The following RPH3AL variants were observed in gnomAD, a reference collection of about 807,000 sequenced individuals.
The protein encoded by RPH3AL is rabphilin 3A like (without C2 domains).
RPH3AL carries 38 observed loss-of-function variants against 43.1 expected under a neutral mutation model. The ratio of observed to expected loss-of-function variants is 0.88; its 90% confidence interval spans 0.68 to 1.15. The LOEUF is 1.15. Ranked by LOEUF, RPH3AL falls within the 50% of genes most tolerant of loss-of-function variation. RPH3AL has a pLI of 0.00. For missense variants in RPH3AL, 462 were observed against 423.2 expected (o/e 1.09, Z -0.81); for synonymous variants, 189 against 176.3 (o/e 1.07, Z -0.57).
chr17:304,451 C>G (rs896781242), intron 5 of RPH3AL, among the ~76,000 whole-genome samples: 3 of 152,122 alleles, frequency 2.0e-5, no homozygotes, highest in African/African-American at 7.2e-5. Flanking sequence ...ACTAGTAAGA[C>G]CAAGAGAAGC....
At chr17:291,137 A>G (rs1333958029) in intron 5 of RPH3AL, among the ~76,000 whole-genome samples, 1 of 152,196 alleles carries the variant, frequency 6.6e-6, no homozygotes, top group Non-Finnish European at 1.5e-5. Flanking sequence ...ATTCACAAAC[A>G]TGTTTTCTAT....
intron 6 of RPH3AL, among the ~76,000 whole-genome samples, chr17:270,581 G>A (rs1014567226): frequency 9.2e-5 from 14 of 152,182 alleles, no homozygotes; most frequent in Admixed American, 2.0e-4. Flanking sequence ...CAGGCATGGC[G>A]GCTCATGCCT....
intron 5 of RPH3AL, among the ~76,000 whole-genome samples, chr17:310,997 G>T (rs919579457): frequency 1.3e-5 from 2 of 152,064 alleles, no homozygotes; most frequent in African/African-American, 2.4e-5. Flanking sequence ...CTGCTCAAAC[G>T]CAGTTCATCT....
chr17:238,163 GAGAGAA>G (rs2041445523), intron 7 of RPH3AL, among the ~76,000 whole-genome samples: 1 of 109,156 alleles, frequency 9.2e-6, no homozygotes, highest in Non-Finnish European at 2.1e-5. Flanking sequence ...AAAGAAAGAA[GAGAGAA>G]AGAGAGAGAG....
chr17:318,288 A>G lies in RPH3AL; in HGVS notation c.351+1132T>C, dbSNP rs150357019. Among the ~76,000 whole-genome samples, 1,509 of 152,300 alleles carry G rather than the reference A, an allele frequency of 9.9e-3. 29 individuals carry two copies. Among genetic ancestry groups the G allele is most frequent in the African/African-American group, 0.034 (1,428 of 41,556 alleles). ...TCCCAGCTACTCAGGAGGCTGAGGC[A>G]GGAGAATCACTTGAACCTGGAGGCA... is the stretch of plus-strand genomic sequence containing the variant. On this transcript the variant is annotated intron_variant, in intron 5 of 9. Coordinates refer to ENST00000331302, the MANE Select transcript of RPH3AL (RefSeq NM_006987.4).
At chr17:341,690 A>G (rs1474009133) in intron 1 of RPH3AL, among the ~76,000 whole-genome samples, 2 of 152,188 alleles carry the variant, frequency 1.3e-5, no homozygotes, top group Non-Finnish European at 2.9e-5. Flanking sequence ...TACACACCAA[A>G]AGAAAAAAGA....
Position 283,382 on chromosome 17 carries a change from T to C in RPH3AL, c.352-1528A>G, listed in dbSNP as rs1007647662. ...AACTCACGGGGGACGGAAGCTATGATACATTCCTGCGGGGGACGGATTTGC... is the reference window on the plus strand; with the variant it reads ...AACTCACGGGGGACGGAAGCTATGACACATTCCTGCGGGGGACGGATTTGC... On this transcript the variant is annotated intron_variant, in intron 5 of 9. Coordinates refer to ENST00000331302, the MANE Select transcript of RPH3AL (RefSeq NM_006987.4). This position sits in a 1 kb window ranked among gnomAD's most constrained non-coding sequence, Gnocchi z 4.2. Among the ~76,000 whole-genome samples, 5 of 152,096 alleles carry C rather than the reference T, an allele frequency of 3.3e-5. No homozygotes were observed. The highest frequency in any genetic ancestry group is 2.9e-5 in the Non-Finnish European group (2 of 68,008).
chr17:266,522 G>A (rs932028104), intron 6 of RPH3AL, among the ~76,000 whole-genome samples: 20 of 152,212 alleles, frequency 1.3e-4, no homozygotes, highest in Non-Finnish European at 2.6e-4. Flanking sequence ...CCCCAGGAAA[G>A]ATAGAGCACC....
rs1284862964 is a variant in RPH3AL at position 290,464 on chromosome 17, C to T, written c.352-8610G>A. 2.0e-5 allele frequency among the ~76,000 whole-genome samples: 3 copies of T among 152,170 alleles called. No homozygotes were observed. Among genetic ancestry groups the T allele is most frequent in the African/African-American group, 7.2e-5 (3 of 41,440 alleles). On this transcript the variant is annotated intron_variant, in intron 5 of 9. Transcript: ENST00000331302. The surrounding 1 kb of genome is among the most constrained non-coding windows in gnomAD (Gnocchi z 4.2). ...CCTGCCTCCCCCGGGGTGCGTGCCG[C>T]GGCCGCCTATGTGTGCAGACCCGTC...
intron 1 of RPH3AL, among the ~76,000 whole-genome samples, chr17:344,673 C>G (rs1380542543): frequency 7.4e-6 from 1 of 134,724 alleles, no homozygotes; most frequent in South Asian, 2.5e-4. Context: ...CATCAGTCAT[C>G]ATCACCACCA....
chr17:248,938 C>T (rs768573537), intron 6 of RPH3AL, among the ~76,000 whole-genome samples: 10 of 152,156 alleles, frequency 6.6e-5, no homozygotes, highest in Admixed American at 6.5e-4. Context: ...GCGAAGCAAC[C>T]GAGGCTGAGG....
At chr17:297,966 C>T (rs772154463) in intron 5 of RPH3AL, among the ~76,000 whole-genome samples, 4 of 152,192 alleles carry the variant, frequency 2.6e-5, no homozygotes, top group Non-Finnish European at 4.4e-5. Context: ...CTCCCTGGCC[C>T]CCACCTCTCT....
At chr17:228,795 C>A (rs895092938) in intron 7 of RPH3AL, among the ~76,000 whole-genome samples, 3 of 152,178 alleles carry the variant, frequency 2.0e-5, no homozygotes, top group African/African-American at 4.8e-5. Context: ...CTCCAGGCGG[C>A]CAGTCCCCTC....
chr17:291,334 G>T (rs899356022), intron 5 of RPH3AL, among the ~76,000 whole-genome samples: 1 of 152,084 alleles, frequency 6.6e-6, no homozygotes, highest in Non-Finnish European at 1.5e-5. Context: ...GAGGCCAGAA[G>T]TTCAAGACCA....
intron 2 of RPH3AL, chr17:331,972 G>C (rs2044781011): frequency 2.1e-6 from 2 of 950,286 alleles, no homozygotes; most frequent in Middle Eastern, 3.7e-4. Flanking sequence ...AAATTCAGGA[G>C]GGAGGATGGA....
chr17:240,919 G>A (rs745496408), intron 7 of RPH3AL, among the ~76,000 whole-genome samples: 6 of 151,934 alleles, frequency 3.9e-5, no homozygotes, highest in East Asian at 1.9e-4. Flanking sequence ...TGAGCTCGGC[G>A]TGTAGCGGGC....
chr17:314,713 TCCACCTCCACTGACCTGTAGTCTCTGTGC>T (rs1567507988), intron 5 of RPH3AL, among the ~76,000 whole-genome samples: 101 of 14,322 alleles, frequency 7.1e-3, no homozygotes, highest in African/African-American at 0.026. Context: ...GTCTCTGTGC[TCCACCTCCACTGACCTGTAGTCTCTGTGC>T]TCCACCTCCA....
At position 328,984 on chromosome 17, in the gene RPH3AL, G is replaced by C. The variant is rs2044682924; in HGVS notation, c.-36-1405C>G. Among the ~76,000 whole-genome samples the C allele has an allele frequency of 6.6e-6, 1 of 152,176 alleles. No homozygotes were observed. The highest frequency in any genetic ancestry group is 1.5e-5 in the Non-Finnish European group (1 of 68,034). ...GTGGTTGTCAGGGGTTGCAGGAAGA[G>C]GGGAACAGACTCCCAGTGGGTTCAG... On this transcript the variant is annotated intron_variant, in intron 2 of 9. Coordinates refer to ENST00000331302, the MANE Select transcript of RPH3AL (RefSeq NM_006987.4). The surrounding 1 kb of genome is among the most constrained non-coding windows in gnomAD (Gnocchi z 4.2).
intron 5 of RPH3AL, among the ~76,000 whole-genome samples, chr17:301,208 C>T (rs2043320260): frequency 6.6e-6 from 1 of 152,290 alleles, no homozygotes; most frequent in Middle Eastern, 3.2e-3. Flanking sequence ...TCATCGGCCA[C>T]CTTATTCGAA....
Sources: allele counts gnomAD v4.1 joint callset (sites outside exome capture counted in the v4.1 genomes callset), GRCh38; gene constraint gnomAD v4.1.1; non-coding constraint Gnocchi (gnomAD v3.1); transcripts MANE v1.5; gene names NCBI Gene and HGNC (gene_info 2026-07-23, HGNC 2026-07-21).